SNTG1: variants seen among roughly 807,000 people sequenced by gnomAD.
SNTG1 encodes syntrophin gamma 1.
Under a neutral mutation model 74.7 loss-of-function variants are expected in SNTG1, and 39 were observed. That is an observed-to-expected ratio of 0.52 (90% confidence interval 0.40 to 0.68). The LOEUF (loss-of-function observed/expected upper bound fraction) is 0.68, where lower values mean the gene tolerates loss of function less well. Ranked by LOEUF, SNTG1 falls within the 30% of genes least tolerant of loss-of-function variation. SNTG1 has a pLI of 0.00. For synonymous variants in SNTG1, 254 were observed against 217.1 expected (o/e 1.17, Z -1.49); for missense variants, 685 against 609.5 (o/e 1.12, Z -1.30).
At chr8:50,176,218 G>C (rs1360511627) in intron 2 of SNTG1, among the ~76,000 whole-genome samples, 1 of 152,064 alleles carries the variant, frequency 6.6e-6, no homozygotes, top group Non-Finnish European at 1.5e-5. Context: ...GCCCCTCTCT[G>C]TGTCACAAGT....
chr8:50,104,693 G>T (rs999862011), intron 1 of SNTG1, among the ~76,000 whole-genome samples: 2 of 151,976 alleles, frequency 1.3e-5, no homozygotes, highest in African/African-American at 4.8e-5. Context: ...TTCTGTTGTG[G>T]GCATTTAGTG....
At chr8:50,594,166 C>A (rs180680328) in intron 13 of SNTG1, among the ~76,000 whole-genome samples, 99 of 152,140 alleles carry the variant, frequency 6.5e-4, no homozygotes, top group Non-Finnish European at 1.2e-3. Context: ...TGATAATTCT[C>A]TCAATGTATT....
chr8:50,417,124 G>A (rs2093024265), intron 4 of SNTG1, among the ~76,000 whole-genome samples: 1 of 152,110 alleles, frequency 6.6e-6, no homozygotes, highest in Non-Finnish European at 1.5e-5. Context: ...TATCTTCAAA[G>A]ATATGTATAA....
At chr8:50,559,378 T>A (rs768766621) in intron 12 of SNTG1, among the ~76,000 whole-genome samples, 28 of 152,168 alleles carry the variant, frequency 1.8e-4, no homozygotes, top group Non-Finnish European at 3.5e-4. Flanking sequence ...GTAGCCAGAA[T>A]GTGTATCTTC....
chr8:49,988,237 A>C (rs953388166), intron 1 of SNTG1, among the ~76,000 whole-genome samples: 1 of 152,182 alleles, frequency 6.6e-6, no homozygotes, highest in Admixed American at 6.5e-5. Context: ...ATTATCTAAA[A>C]TGTTCAATTT....
chr8:50,268,204 G>A (rs866735006), intron 2 of SNTG1, among the ~76,000 whole-genome samples: 47 of 152,116 alleles, frequency 3.1e-4, no homozygotes, highest in Non-Finnish European at 6.2e-4. Flanking sequence ...AACAAAACAT[G>A]TATAAGATCT....
intron 15 of SNTG1, among the ~76,000 whole-genome samples, chr8:50,665,693 G>T (rs2095247571): frequency 6.6e-6 from 1 of 152,058 alleles, no homozygotes; most frequent in Non-Finnish European, 1.5e-5. Flanking sequence ...AGACATAAAA[G>T]CAACTTTCAA....
At chr8:50,438,137 G>A (rs2093323392) in intron 4 of SNTG1, among the ~76,000 whole-genome samples, 2 of 152,232 alleles carry the variant, frequency 1.3e-5, no homozygotes, top group South Asian at 2.1e-4. Flanking sequence ...TGGAGACAGG[G>A]CCATGGTTTA....
intron 13 of SNTG1, among the ~76,000 whole-genome samples, chr8:50,656,423 C>T (rs1327896462): frequency 2.0e-5 from 3 of 152,090 alleles, no homozygotes; most frequent in Non-Finnish European, 2.9e-5. Context: ...TTATCATTCT[C>T]CCCTATCAGG....
At chr8:50,003,048 A>C (rs1814891720) in intron 1 of SNTG1, among the ~76,000 whole-genome samples, 1 of 152,158 alleles carries the variant, frequency 6.6e-6, no homozygotes, top group Non-Finnish European at 1.5e-5. Flanking sequence ...AAGAATAGGC[A>C]AATCTATAGA....
chr8:50,562,569 C>T (rs565531602), intron 12 of SNTG1, among the ~76,000 whole-genome samples: 5 of 152,172 alleles, frequency 3.3e-5, no homozygotes, highest in Non-Finnish European at 7.3e-5. Flanking sequence ...TCATTTAGGA[C>T]TTATGACCTA....
chr8:50,583,478 C>A (rs997190175), intron 12 of SNTG1, among the ~76,000 whole-genome samples: 25 of 151,254 alleles, frequency 1.7e-4, no homozygotes, highest in Non-Finnish European at 7.4e-5. Flanking sequence ...ATCAAAAATT[C>A]TTGGAGCTGC....
intron 2 of SNTG1, among the ~76,000 whole-genome samples, chr8:50,309,409 A>C (rs1451237509): frequency 1.3e-5 from 2 of 152,158 alleles, no homozygotes; most frequent in Non-Finnish European, 2.9e-5. Flanking sequence ...TTATTTCAAG[A>C]AGAGAAAGTC....
At chr8:49,965,473 T>G (rs1281009094) in intron 1 of SNTG1, among the ~76,000 whole-genome samples, 1 of 152,208 alleles carries the variant, frequency 6.6e-6, no homozygotes, top group Non-Finnish European at 1.5e-5. Context: ...TTACTCACCT[T>G]AACAAACAGA....
chr8:49,995,715 G>A (rs534699963), intron 1 of SNTG1, among the ~76,000 whole-genome samples: 4 of 152,346 alleles, frequency 2.6e-5, no homozygotes, highest in Admixed American at 6.5e-5. Context: ...AGAATGAGAA[G>A]TCAGCTCTAG....
chr8:50,114,797 A>T (rs1260020702), intron 1 of SNTG1, among the ~76,000 whole-genome samples: 1 of 152,138 alleles, frequency 6.6e-6, no homozygotes, highest in African/African-American at 2.4e-5. Context: ...CCCAGGAGGC[A>T]GAGGTTGCAA....
intron 17 of SNTG1, among the ~76,000 whole-genome samples, chr8:50,724,487 A>G (rs544896929): frequency 6.6e-6 from 1 of 152,310 alleles, no homozygotes; most frequent in African/African-American, 2.4e-5. Flanking sequence ...CACCTGTAAG[A>G]TTATTTTGTC....
At chr8:50,216,200 C>T (rs1209923854) in intron 2 of SNTG1, among the ~76,000 whole-genome samples, 1 of 152,144 alleles carries the variant, frequency 6.6e-6, no homozygotes, top group Non-Finnish European at 1.5e-5. Context: ...TTAAAAGCCA[C>T]AAAAGGATAG....
chr8:50,358,912 C>T (rs112004389), intron 2 of SNTG1, among the ~76,000 whole-genome samples: 12 of 152,262 alleles, frequency 7.9e-5, no homozygotes, highest in African/African-American at 2.2e-4. Flanking sequence ...TGTAAGTTAA[C>T]GCACGGTTTG....
Sources: gnomAD v4.1 joint callset for allele counts (sites outside exome capture counted in the v4.1 genomes callset) on GRCh38, gnomAD v4.1.1 for gene constraint, MANE v1.5 for transcripts, NCBI Gene and HGNC (gene_info 2026-07-23, HGNC 2026-07-21) for gene names.